ACP7: variants seen among roughly 807,000 people sequenced by gnomAD.
The protein encoded by ACP7 is acid phosphatase 7, tartrate resistant (putative), also known as acid phosphatase type 7.
In ACP7, 58 loss-of-function variants were observed where a neutral mutation model predicts 60.6. The observed-to-expected ratio is 0.96, with a 90% CI of 0.77 to 1.19. The LOEUF (loss-of-function observed/expected upper bound fraction) is 1.19, where lower values mean the gene tolerates loss of function less well. Ranked by LOEUF, ACP7 falls within the 50% of genes most tolerant of loss-of-function variation. ACP7 has a pLI of 0.00. For synonymous variants in ACP7, 237 were observed against 232.6 expected (o/e 1.02, Z -0.17); for missense variants, 574 against 596.2 (o/e 0.96, Z 0.39).
Position 39,100,810 on chromosome 19 carries a change from A to C in ACP7, c.764A>C (p.His255Pro). The C allele has an allele frequency of 6.2e-7, 1 of 1,613,876 alleles. No homozygotes were observed. The highest frequency in any genetic ancestry group is 2.2e-5 in the East Asian group (1 of 44,854). Residue 255 changes from histidine to proline, a missense_variant, in exon 7 of 13, where the codon CAC becomes CCC. Physicochemically the swap from His to Pro is moderately conservative, Grantham distance 77 (BLOSUM62 -2). Coordinates refer to ENST00000331256, the MANE Select transcript of ACP7 (RefSeq NM_001004318.3). ...TATTTCTTTCTCCATTATGGCCGCC[A>C]CTTGGTACAGAGGCAGTTTCGCTGG... ...EVYFFLHYGRHLVQRQFRWLE... is the reference protein window; with the variant it reads ...EVYFFLHYGRPLVQRQFRWLE...
chr19:39,087,209 A>G (rs2073152814), intron 2 of ACP7, among the ~76,000 whole-genome samples: 1 of 151,978 alleles, frequency 6.6e-6, no homozygotes, highest in South Asian at 2.1e-4. Context: ...ATGGAATTTC[A>G]CCATGTTGCC....
chr19:39,084,005 A>G (rs2073111928), upstream of ACP7: 2 of 152,282 alleles, frequency 1.3e-5, no homozygotes, highest in African/African-American at 4.8e-5. Context: ...GGGATCGGGC[A>G]GGGCCAGGAT....
At chr19:39,102,767 C>CTTTCTTTCTTCCTTTCTT in intron 11 of ACP7, among the ~76,000 whole-genome samples, 1 of 101,152 alleles carries the variant, frequency 9.9e-6, no homozygotes, top group South Asian at 4.0e-4. Context: ...TTCTTTCTTT[C>CTTTCTTTCTTCCTTTCTT]TCTCTCTCTC....
Position 39,106,997 on chromosome 19 carries a change from T to A in ACP7, c.1164T>A (p.Ser388Arg). The A allele has an allele frequency of 1.2e-6, 2 of 1,613,922 alleles. No homozygotes were observed. Among genetic ancestry groups the A allele is most frequent in the Non-Finnish European group, 1.7e-6 (2 of 1,180,002 alleles). The stretch of plus-strand genomic sequence containing the variant: ...TTGCTGTCTTCCCGAGGCCCTGGAG[T>A]GCCGTGCGTGTGAAGGAGTACGGGT... ...TPFAVFPRPW[S>R]AVRVKEYGYT... Residue 388 changes from serine to arginine, a missense_variant, in exon 12 of 13, where the codon AGT (serine) becomes AGA (arginine). By Grantham distance (110) the Ser-to-Arg change is moderately radical. Transcript: ENST00000331256.
intron 6 of ACP7, 33 bp downstream of exon 6, chr19:39,100,675 C>G (rs752847120): frequency 6.2e-7 from 1 of 1,613,190 alleles, no homozygotes. Context: ...CTGGCCCTCT[C>G]CCCTGAAGGA....
intron 2 of ACP7, among the ~76,000 whole-genome samples, chr19:39,092,539 C>A (rs1269618749): frequency 6.6e-6 from 1 of 152,010 alleles, no homozygotes; most frequent in African/African-American, 2.4e-5. Context: ...TCTTCCTCAC[C>A]CCCTTCCATG....
intron 1 of ACP7, among the ~76,000 whole-genome samples, chr19:39,084,766 AATGCAACCTCCT>A (rs1333975509): frequency 6.6e-6 from 1 of 151,908 alleles, no homozygotes; most frequent in East Asian, 1.9e-4. Context: ...GGGGCTGCGG[AATGCAACCTCCT>A]ACACAGCCTC....
intron 11 of ACP7, among the ~76,000 whole-genome samples, chr19:39,102,631 C>T (rs575011364): frequency 1.3e-5 from 2 of 151,862 alleles, no homozygotes; most frequent in South Asian, 4.2e-4. Context: ...TCCTGTTTCT[C>T]CTCAAACTTT....
intron 11 of ACP7, among the ~76,000 whole-genome samples, chr19:39,102,157 C>CACAA (rs1555769305): frequency 6.7e-6 from 1 of 150,194 alleles, no homozygotes; most frequent in Non-Finnish European, 1.5e-5. Flanking sequence ...CACACACACA[C>CACAA]AAAAGATACT....
At chr19:39,109,449 C>T (rs1427066629) in intron 12 of ACP7, among the ~76,000 whole-genome samples, 3 of 151,940 alleles carry the variant, frequency 2.0e-5, no homozygotes, top group Admixed American at 1.3e-4. Flanking sequence ...CCAGGTGCAG[C>T]AGCTCATGCC....
At chr19:39,102,087 TCCA>T (rs1051244760) in intron 11 of ACP7, among the ~76,000 whole-genome samples, 1 of 150,280 alleles carries the variant, frequency 6.7e-6, no homozygotes, top group Non-Finnish European at 1.5e-5. Flanking sequence ...ACCATTGCAC[TCCA>T]GCCTGGGCAA....
intron 4 of ACP7, 22 bp downstream of exon 4, chr19:39,099,164 G>A: frequency 1.3e-6 from 2 of 1,490,100 alleles, no homozygotes; most frequent in Non-Finnish European, 1.8e-6. Context: ...GCAGGGGCGC[G>A]CGCAGGGACG....
rs995855619 is a variant in ACP7, at chr19:39,085,495, C to T, written c.121+105C>T. ...ACACTGTGAGCCCCTAGGCGGGTGG[C>T]TCATTCCTCCTGAGCCTCCATCATC... On this transcript the variant is annotated intron_variant, in intron 2 of 12. Transcript: ENST00000331256. 9.9e-6 allele frequency: 14 copies of T among 1,408,878 alleles called. No homozygotes were observed. The Admixed American group carries it at 1.5e-4, about 15-fold the overall frequency. The allele number at this position is 1,408,878 out of a possible 1,614,324, so 87.3% of individuals were successfully genotyped here.
In ACP7 at chr19:39,101,325, T is replaced by A. The variant is rs775307245; in HGVS notation, c.1011T>A (p.Tyr337Ter). 5 of 1,614,072 alleles carry A rather than the reference T, an allele frequency of 3.1e-6. No individual in the cohort carries two copies. The African/African-American group carries it at 6.7e-5, about 22-fold the overall frequency. The change falls in exon 10 of 13, where the codon TAT (tyrosine) becomes TAA (stop). Residue 337 changes from tyrosine (Y) to a stop codon, truncating the protein, a stop_gained. Transcript: ENST00000331256. LOFTEE classifies it high-confidence loss of function. ...AGCTGTGGGCTCATGAGCACTCGTATGAACGACTGTGGCCAATTTACAACT... is the reference window on the plus strand; with the variant it reads ...AGCTGTGGGCTCATGAGCACTCGTAAGAACGACTGTGGCCAATTTACAACT... ...DLQLWAHEHS[Y>*]ERLWPIYNYQ...
At chr19:39,102,118 TCTCACA>T (rs1204526116) in intron 11 of ACP7, among the ~76,000 whole-genome samples, 199 of 133,002 alleles carry the variant, frequency 1.5e-3, no homozygotes, top group Middle Eastern at 0.011. Context: ...AGACCCTTTC[TCTCACA>T]CACACACACA....
chr19:39,106,507 T>G (rs1434155623), intron 11 of ACP7, among the ~76,000 whole-genome samples: 1 of 152,116 alleles, frequency 6.6e-6, no homozygotes, highest in East Asian at 1.9e-4. Flanking sequence ...ATTGTGAGTA[T>G]TATTGTGGCC....
At position 39,105,745 on chromosome 19, in the gene ACP7, CA is replaced by C. The variant is rs200637888; in HGVS notation, c.1114-1200del. Among the ~76,000 whole-genome samples the C allele has an allele frequency of 5.3e-3, 808 of 152,158 alleles. 8 individuals carry two copies. The highest frequency in any genetic ancestry group is 0.019 in the African/African-American group (774 of 41,502). ...CAGGCTGGTCTTGAACTCCTGGGCT[CA>C]AGCAATCTGCCCGCCTCGGCCTCCC... On this transcript the variant is annotated intron_variant, in intron 11 of 12. Transcript: ENST00000331256.
intron 11 of ACP7, among the ~76,000 whole-genome samples, chr19:39,105,072 T>C (rs988034064): frequency 9.9e-5 from 15 of 151,666 alleles, no homozygotes; most frequent in African/African-American, 3.6e-4. Flanking sequence ...TGGAGTGCAA[T>C]TGGCGTGATC....
At chr19:39,105,256 C>A (rs1038478978) in intron 11 of ACP7, among the ~76,000 whole-genome samples, 5 of 151,890 alleles carry the variant, frequency 3.3e-5, no homozygotes, top group Non-Finnish European at 5.9e-5. Context: ...ACCTCGTGAT[C>A]TGCCCGCCTC....
Sources: allele counts gnomAD v4.1 joint callset (sites outside exome capture counted in the v4.1 genomes callset), GRCh38; gene constraint gnomAD v4.1.1; transcripts MANE v1.5; gene names NCBI Gene and HGNC (gene_info 2026-07-23, HGNC 2026-07-21).